The following PTDSS2 variants were observed in gnomAD, a reference collection of about 807,000 sequenced individuals.
PTDSS2 encodes PSS-2.
In PTDSS2, 41 loss-of-function variants were observed where a neutral mutation model predicts 64.7. The observed-to-expected ratio is 0.63, with a 90% CI of 0.49 to 0.82. The LOEUF is 0.82. PTDSS2 is among the 40% of genes least tolerant of loss of function. PTDSS2 has a pLI of 0.00. For missense variants in PTDSS2, 485 were observed against 650.0 expected (o/e 0.75, Z 2.76); for synonymous variants, 297 against 277.8 (o/e 1.07, Z -0.69).
intron 1 of PTDSS2, among the ~76,000 whole-genome samples, chr11:455,712 C>T (rs754380186): frequency 3.9e-5 from 6 of 152,244 alleles, no homozygotes; most frequent in Non-Finnish European, 7.3e-5. Context: ...TCCCAGGCCA[C>T]GAGCCCTCCT....
At position 489,403 on chromosome 11, in the gene PTDSS2, C is replaced by G; in HGVS notation, c.858C>G (p.Gly286=). The change falls in exon 9 of 12, where the codon GGC becomes GGG. Residue 286 remains glycine, a synonymous_variant. Transcript: ENST00000308020. The part of the protein sequence containing the change: ...QGLWNIPTYK[G]KMKRIAFQFT... The stretch of plus-strand genomic sequence containing the variant: ...CTGCCGGCTCTGTGGTTCCCAGGGG[C>G]AAGATGAAGAGGATCGCCTTCCAGT... The G allele has an allele frequency of 6.2e-7, 1 of 1,612,538 alleles. No individual in the cohort carries two copies. The highest frequency in any genetic ancestry group is 8.5e-7 in the Non-Finnish European group (1 of 1,179,434).
intron 3 of PTDSS2, among the ~76,000 whole-genome samples, chr11:478,287 CA>C (rs112622153): frequency 0.034 from 4,365 of 127,784 alleles, 138 homozygotes; most frequent in African/African-American, 0.097. Flanking sequence ...CCTATCTCTA[CA>C]AAAAAAAAAA....
At position 488,580 on chromosome 11, in the gene PTDSS2, A is replaced by G; in HGVS notation, c.787A>G (p.Lys263Glu). The stretch of plus-strand genomic sequence containing the variant: ...CGGGCTGGGCATCTACTGCGGCATG[A>G]AGACCCTTGAGTGGCTGTCCCTGAA... ...CNGLGIYCGM[K>E]TLEWLSLKTY... Residue 263 changes from lysine to glutamate, a missense_variant, in exon 8 of 12, where the codon AAG (lysine) becomes GAG (glutamate). Around this residue, in one of 3 missense-constraint regions of PTDSS2, gnomAD observed 251 missense variants for 348.0 expected, o/e 0.72. Transcript: ENST00000308020. 1 of 1,613,494 alleles carries G rather than the reference A, an allele frequency of 6.2e-7. No homozygotes were observed. The highest frequency in any genetic ancestry group is 8.5e-7 in the Non-Finnish European group (1 of 1,179,948).
At chr11:452,076 G>A (rs1264060582) in intron 1 of PTDSS2, among the ~76,000 whole-genome samples, 1 of 152,182 alleles carries the variant, frequency 6.6e-6, no homozygotes, top group Non-Finnish European at 1.5e-5. Context: ...CCTGGAGCAA[G>A]GAGACCAGAC....
At chr11:472,269 G>A (rs1847501478) in intron 2 of PTDSS2, among the ~76,000 whole-genome samples, 1 of 152,196 alleles carries the variant, frequency 6.6e-6, no homozygotes, top group African/African-American at 2.4e-5. Flanking sequence ...CCCCTTGGAG[G>A]CACAGCTGAG....
intron 3 of PTDSS2, 148 bp from the exon 4 acceptor site, chr11:478,937 C>A: frequency 1.5e-6 from 1 of 667,846 alleles, no homozygotes. Context: ...TTCTGAGTTA[C>A]AGCTTTCTTT....
At chr11:474,091 C>T in intron 3 of PTDSS2, 114 bp downstream of exon 3, 4 of 896,010 alleles carry the variant, frequency 4.5e-6, no homozygotes, top group Non-Finnish European at 7.5e-6. Context: ...CCTGGCCCCT[C>T]CCCGAGGCCT....
chr11:466,589 AAT>A, intron 2 of PTDSS2, among the ~76,000 whole-genome samples: 1 of 151,748 alleles, frequency 6.6e-6, no homozygotes, highest in East Asian at 2.0e-4. Flanking sequence ...TGTATTTTTT[AAT>A]AGAGACGAGG....
rs1847380306 is a variant in PTDSS2 at position 470,549 on chromosome 11, G to A, written c.285-3346G>A. Among the ~76,000 whole-genome samples the A allele has an allele frequency of 6.6e-6, 1 of 152,162 alleles. No homozygotes were observed. Among genetic ancestry groups the A allele is most frequent in the Admixed American group, 6.5e-5 (1 of 15,272 alleles). On this transcript the variant is annotated intron_variant, in intron 2 of 11. Coordinates refer to ENST00000308020, the MANE Select transcript of PTDSS2 (RefSeq NM_030783.3). This position sits in a 1 kb window ranked among gnomAD's most constrained non-coding sequence, Gnocchi z 5.3. ...GAAGGAAGTGTAGGCCTCAGCAGCT[G>A]TGTGGCAGCACTGGCTTATTTATTT...
At chr11:448,865 T>C (rs1347096329), upstream of PTDSS2, among the ~76,000 whole-genome samples, 1 of 152,240 alleles carries the variant, frequency 6.6e-6, no homozygotes, top group Admixed American at 6.5e-5. Context: ...CATTCACAGA[T>C]AGGAGCTGAG....
In PTDSS2 at chr11:460,704, C is replaced by T. The variant is rs1208352805; in HGVS notation, c.284+416C>T. 4.0e-5 allele frequency: 7 copies of T among 173,032 alleles called. No individual in the cohort carries two copies. The highest frequency in any genetic ancestry group is 6.2e-5 in the Non-Finnish European group (5 of 80,390). The allele number at this position is 173,032 out of a possible 1,614,324, so 10.7% of individuals were successfully genotyped here. A position where few individuals can be genotyped will look rare whatever the true frequency, so the allele number is the denominator to read the frequency against. ...GCGGGGCTCTTGCACGGACAGGGGC[C>T]GACACGGACCGCAGACCATCTGGTC... is the stretch of plus-strand genomic sequence containing the variant. On this transcript the variant is annotated intron_variant, in intron 2 of 11. Coordinates refer to ENST00000308020, the MANE Select transcript of PTDSS2 (RefSeq NM_030783.3). This position sits in a 1 kb window ranked among gnomAD's most constrained non-coding sequence, Gnocchi z 5.8.
Position 486,407 on chromosome 11 carries a change from G to A in PTDSS2, c.436-532G>A, listed in dbSNP as rs138796022. 4.9e-3 allele frequency among the ~76,000 whole-genome samples: 747 copies of A among 152,304 alleles called. 9 individuals carry two copies. The highest frequency in any genetic ancestry group is 0.017 in the African/African-American group (712 of 41,574). On this transcript the variant is annotated intron_variant, in intron 4 of 11. Coordinates refer to ENST00000308020, the MANE Select transcript of PTDSS2 (RefSeq NM_030783.3). The stretch of plus-strand genomic sequence containing the variant: ...AGCGCACCTGTGCCCACCTGGCCCC[G>A]GGGAGCGCAGGTGTGGAGATGGGGT...
At chr11:458,040 GATTT>G (rs1331413064) in intron 1 of PTDSS2, among the ~76,000 whole-genome samples, 1 of 152,150 alleles carries the variant, frequency 6.6e-6, no homozygotes, top group Non-Finnish European at 1.5e-5. Context: ...TCCTGGCTTG[GATTT>G]GCTTTCACGG....
At chr11:471,793 T>TGGGGTGACGCGGATGGC (rs1847459059) in intron 2 of PTDSS2, among the ~76,000 whole-genome samples, 1 of 89,952 alleles carries the variant, frequency 1.1e-5, no homozygotes, top group Non-Finnish European at 2.1e-5. Context: ...ACGCAGATGG[T>TGGGGTGACGCGGATGGC]GGCCTGGGGT....
At chr11:458,167 T>G (rs1363174617) in intron 1 of PTDSS2, among the ~76,000 whole-genome samples, 1 of 152,218 alleles carries the variant, frequency 6.6e-6, no homozygotes, top group Non-Finnish European at 1.5e-5. Flanking sequence ...TTTATTGAGC[T>G]GTATGAGTTC....
At chr11:452,953 A>T (rs1462365152) in intron 1 of PTDSS2, among the ~76,000 whole-genome samples, 1 of 151,306 alleles carries the variant, frequency 6.6e-6, no homozygotes, top group East Asian at 1.9e-4. Context: ...CTGGTCTTCA[A>T]CTCCTGGCCT....
At chr11:471,541 A>T (rs1358300342) in intron 2 of PTDSS2, among the ~76,000 whole-genome samples, 2 of 152,220 alleles carry the variant, frequency 1.3e-5, no homozygotes, top group Non-Finnish European at 2.9e-5. Flanking sequence ...TTCAGGGAGC[A>T]CCGGCCTGGG....
rs73385855 is a variant in PTDSS2, at chr11:461,538, C to T, written c.284+1250C>T. On this transcript the variant is annotated intron_variant, in intron 2 of 11. Transcript: ENST00000308020. This position sits in a 1 kb window ranked among gnomAD's most constrained non-coding sequence, Gnocchi z 4.2. ...CTCACCTGGGAGGCGCAGGTGGCCTCTCCTGTCCTGGTCTCCCTACCCTGC... is the reference window on the plus strand; with the variant it reads ...CTCACCTGGGAGGCGCAGGTGGCCTTTCCTGTCCTGGTCTCCCTACCCTGC... Among the ~76,000 whole-genome samples, 4,809 of 152,250 alleles carry T rather than the reference C, an allele frequency of 0.032. 262 individuals carry two copies. Among genetic ancestry groups the T allele is most frequent in the African/African-American group, 0.11 (4,559 of 41,544 alleles).
At chr11:457,423 TTTC>T (rs1248893258) in intron 1 of PTDSS2, among the ~76,000 whole-genome samples, 1 of 152,178 alleles carries the variant, frequency 6.6e-6, no homozygotes, top group Admixed American at 6.5e-5. Flanking sequence ...GTAGCGTGTT[TTTC>T]TTTTTCTTTT....
Sources: allele counts gnomAD v4.1 joint callset (sites outside exome capture counted in the v4.1 genomes callset), GRCh38; gene constraint gnomAD v4.1.1; regional missense constraint gnomAD v4.1.1; non-coding constraint Gnocchi (gnomAD v3.1); transcripts MANE v1.5; gene names NCBI Gene and HGNC (gene_info 2026-07-23, HGNC 2026-07-21).